SV2C: variants seen among roughly 807,000 people sequenced by gnomAD.
SV2C encodes the protein solute carrier family 22 member B3.
Under a neutral mutation model 79.7 loss-of-function variants are expected in SV2C, and 49 were observed. The observed-to-expected ratio is 0.61, with a 90% CI of 0.49 to 0.78. The LOEUF is 0.78. Among genes scored for constraint, SV2C ranks in the 30% least tolerant of loss-of-function variants. The pLI, the probability that SV2C is intolerant of heterozygous loss-of-function variation, is 0.00. For missense variants in SV2C, 833 were observed against 912.9 expected (o/e 0.91, Z 1.13); for synonymous variants, 334 against 333.2 (o/e 1.00, Z -0.03).
Position 76,291,196 on chromosome 5 carries a change from C to A in SV2C, c.1138-25C>A, listed in dbSNP as rs114789876. 7.7e-6 allele frequency: 12 copies of A among 1,561,376 alleles called. No homozygotes were observed. In the Admixed American group the frequency reaches 1.4e-4, roughly 19 times the overall value. ...AGCAACTTCAGAGAAGGTAACTTAG[C>A]GCTTTGGTCTGTTTCTCTCTACAGG... On this transcript the variant is annotated intron_variant, in intron 6 of 12. Transcript: ENST00000502798.
rs1747995449 is a variant in SV2C at position 76,301,456 on chromosome 5, A to AG, written c.1913dup (p.Met639HisfsTer17). The AG allele has an allele frequency of 6.2e-7, 1 of 1,613,968 alleles. No homozygotes were observed. The highest frequency in any genetic ancestry group is 1.7e-5 in the Admixed American group (1 of 60,006). On this transcript the variant is annotated frameshift_variant, in exon 12 of 13. Coordinates refer to ENST00000502798, the MANE Select transcript of SV2C (RefSeq NM_014979.4). LOFTEE classifies it high-confidence loss of function. ...TCGGCACCAGTGAATCCATGATGAT[A>AG]GGCATGCTGTGTCTGTACAATGGAT...
intron 1 of SV2C, among the ~76,000 whole-genome samples, chr5:76,087,880 A>G (rs1321076948): frequency 1.3e-5 from 2 of 152,246 alleles, no homozygotes; most frequent in East Asian, 1.9e-4. Flanking sequence ...AGTGAGTGAC[A>G]TGGGTGGTTG....
At chr5:76,207,936 G>T (rs538674625) in intron 3 of SV2C, among the ~76,000 whole-genome samples, 2 of 152,150 alleles carry the variant, frequency 1.3e-5, no homozygotes, top group Non-Finnish European at 1.5e-5. Flanking sequence ...AGTCTAATAC[G>T]GTGCAGTATA....
intron 4 of SV2C, among the ~76,000 whole-genome samples, chr5:76,242,696 G>C (rs1010478789): frequency 1.3e-5 from 2 of 152,088 alleles, no homozygotes; most frequent in African/African-American, 4.8e-5. Flanking sequence ...TCTCTGCACT[G>C]ACCATCTGCA....
At chr5:76,345,326 G>C (rs947178469) in intron 12 of SV2C, among the ~76,000 whole-genome samples, 1 of 152,204 alleles carries the variant, frequency 6.6e-6, no homozygotes, top group African/African-American at 2.4e-5. Flanking sequence ...TTGATCAGTC[G>C]CCATGTGCAT....
intron 1 of SV2C, among the ~76,000 whole-genome samples, chr5:76,088,485 G>C (rs979481569): frequency 3.3e-5 from 5 of 152,158 alleles, no homozygotes; most frequent in African/African-American, 1.2e-4. Flanking sequence ...ATTCCTCATA[G>C]ATGTCCTCAC....
intron 2 of SV2C, among the ~76,000 whole-genome samples, chr5:76,153,581 A>G (rs1742626499): frequency 6.6e-6 from 1 of 152,206 alleles, no homozygotes; most frequent in South Asian, 2.1e-4. Context: ...TTTACAGGCC[A>G]GAGAGGGACA....
intron 1 of SV2C, among the ~76,000 whole-genome samples, chr5:76,122,243 T>C (rs1397422260): frequency 1.1e-4 from 16 of 151,660 alleles, no homozygotes; most frequent in Non-Finnish European, 1.0e-4. Flanking sequence ...TTTGCTGAAG[T>C]TGCTTATCAG....
chr5:76,325,265 T>C (rs948594198), intron 12 of SV2C, 99 bp from the exon 13 acceptor site: 20 of 1,273,034 alleles, frequency 1.6e-5, no homozygotes, highest in Non-Finnish European at 2.0e-5. Context: ...TACAACACAA[T>C]CTGAGGGAAG....
At chr5:75,917,858 G>T in the SV2C span, among the ~76,000 whole-genome samples, 2 of 151,976 alleles carry the variant, frequency 1.3e-5, no homozygotes, top group Non-Finnish European at 2.9e-5. Context: ...TAAATGCTTG[G>T]GGAGACAGAT....
chr5:76,073,443 T>G, the SV2C span, among the ~76,000 whole-genome samples: 1 of 146,880 alleles, frequency 6.8e-6, no homozygotes. Context: ...AAAATATGGA[T>G]CCAGCCCAAA....
chr5:76,206,911 T>C (rs990622360), intron 3 of SV2C, among the ~76,000 whole-genome samples: 2 of 152,192 alleles, frequency 1.3e-5, no homozygotes, highest in African/African-American at 4.8e-5. Context: ...TGCAAAGGAT[T>C]TAAATAGAAG....
chr5:75,865,887 A>G, the SV2C span, among the ~76,000 whole-genome samples: 2 of 152,226 alleles, frequency 1.3e-5, no homozygotes, highest in Non-Finnish European at 2.9e-5. Context: ...GAACTGGCAC[A>G]ATGGGCACAT....
At chr5:76,018,600 G>A in the SV2C span, among the ~76,000 whole-genome samples, 3 of 152,122 alleles carry the variant, frequency 2.0e-5, no homozygotes, top group Non-Finnish European at 4.4e-5. Flanking sequence ...TAGAGAATGA[G>A]TCTACCATTT....
chr5:76,043,103 G>C, the SV2C span, among the ~76,000 whole-genome samples: 1 of 152,162 alleles, frequency 6.6e-6, no homozygotes, highest in Admixed American at 6.5e-5. Context: ...ACCACCCTGA[G>C]ACTTCCACGC....
the SV2C span, among the ~76,000 whole-genome samples, chr5:75,882,916 G>A: frequency 2.2e-3 from 329 of 151,772 alleles, 3 homozygotes; most frequent in South Asian, 0.013. Flanking sequence ...CTACAAAATG[G>A]GAGAAAATTT....
chr5:76,013,971 T>C, the SV2C span, among the ~76,000 whole-genome samples: 3 of 152,078 alleles, frequency 2.0e-5, no homozygotes, highest in African/African-American at 4.8e-5. Flanking sequence ...ATAAAGCATA[T>C]TTTAGTTATA....
At chr5:76,308,635 T>C (rs1396620078) in intron 12 of SV2C, among the ~76,000 whole-genome samples, 3 of 152,136 alleles carry the variant, frequency 2.0e-5, no homozygotes, top group African/African-American at 7.2e-5. Flanking sequence ...TTTCTGTGCC[T>C]ATTGGCATTT....
chr5:75,986,824 G>C, the SV2C span, among the ~76,000 whole-genome samples: 1 of 151,956 alleles, frequency 6.6e-6, no homozygotes, highest in Non-Finnish European at 1.5e-5. Context: ...AAGGATGTTT[G>C]TATAGTCAAG....
Sources: gnomAD v4.1 joint callset for allele counts (sites outside exome capture counted in the v4.1 genomes callset) on GRCh38, gnomAD v4.1.1 for gene constraint, MANE v1.5 for transcripts, NCBI Gene and HGNC (gene_info 2026-07-23, HGNC 2026-07-21) for gene names.